Variants in LRP2 observed in about 807,000 individuals in gnomAD.
The protein encoded by LRP2 is low-density lipoprotein receptor-related protein 2.
In LRP2, 172 loss-of-function variants were observed where a neutral mutation model predicts 531.0. That is an observed-to-expected ratio of 0.32 (90% CI 0.29 to 0.37). The LOEUF is 0.37. LRP2 is among the 10% of genes least tolerant of loss of function. The pLI, the probability that LRP2 is intolerant of heterozygous loss-of-function variation, is 1.00. For synonymous variants in LRP2, 1,992 were observed against 2,027.6 expected (o/e 0.98, Z 0.47); for missense variants, 5,167 against 5,868.3 (o/e 0.88, Z 3.90).
rs1342644838 is a variant in LRP2 at position 169,294,253 on chromosome 2, A to G, written c.547T>C (p.Cys183Arg). 6.3e-7 allele frequency: 1 copy of G among 1,589,890 alleles called. No homozygotes were observed. Residue 183 changes from cysteine to arginine, a missense_variant, in exon 6 of 79, where the codon TGC (cysteine) becomes CGC (arginine). By Grantham distance (180) the Cys-to-Arg change is radical. This residue lies in a region of LRP2 where 2,811 missense variants were observed against 3,058.0 expected (regional missense o/e 0.92). Transcript: ENST00000649046. Reference protein sequence around the residue: ...SSDEINCTEICLHNEFSCGNG... With the variant: ...SSDEINCTEIRLHNEFSCGNG... The stretch of plus-strand genomic sequence containing the variant: ...CCACATGAAAACTCATTGTGCAAGC[A>G]TATCTCAGCTGCAACAGAAAGTTAA...
chr2:169,285,481 C>G (rs770539654), intron 9 of LRP2, among the ~76,000 whole-genome samples: 3 of 152,126 alleles, frequency 2.0e-5, no homozygotes, highest in Non-Finnish European at 4.4e-5. Context: ...GGAAACCACA[C>G]AAAACACTAA....
intron 4 of LRP2, among the ~76,000 whole-genome samples, chr2:169,301,746 G>A (rs1245941581): frequency 6.6e-6 from 1 of 152,002 alleles, no homozygotes; most frequent in Admixed American, 6.6e-5. Flanking sequence ...CTCCCTGAGA[G>A]GACTCTTACA....
chr2:169,288,963 G>A, intron 9 of LRP2, 63 bp downstream of exon 9: 2 of 1,609,688 alleles, frequency 1.2e-6, no homozygotes, highest in Non-Finnish European at 1.7e-6. Flanking sequence ...AGATGTCAGA[G>A]ATCAGGGCAC....
chr2:169,217,034 C>G (rs1266978082), intron 34 of LRP2, among the ~76,000 whole-genome samples: 2 of 152,016 alleles, frequency 1.3e-5, no homozygotes, highest in Non-Finnish European at 2.9e-5. Flanking sequence ...TTTTTTCTTT[C>G]TATTTCACAG....
intron 62 of LRP2, 44 bp downstream of exon 62, chr2:169,165,888 T>C (rs1686762832): frequency 6.2e-7 from 1 of 1,612,688 alleles, no homozygotes; most frequent in Non-Finnish European, 8.5e-7. Context: ...TGCAGACCAC[T>C]TGGGGTCCTT....
In LRP2 at chr2:169,216,712, G is replaced by T. The variant is rs62172632; in HGVS notation, c.5649-282C>A. ...GGCAGCTGAACTTTTAGCATGGTCA[G>T]GTGTGTGGGAAGCTTATGACAAGGA... On this transcript the variant is annotated intron_variant, in intron 34 of 78. Transcript: ENST00000649046. Among the ~76,000 whole-genome samples, 50,062 of 151,970 alleles carry T rather than the reference G, an allele frequency of 0.33. 8,877 individuals carry two copies. The highest frequency in any genetic ancestry group is 0.61 in the South Asian group (2,922 of 4,806).
intron 28 of LRP2, among the ~76,000 whole-genome samples, chr2:169,236,376 G>C (rs896189955): frequency 5.3e-5 from 8 of 152,052 alleles, no homozygotes; most frequent in African/African-American, 1.9e-4. Context: ...TCCACAAATA[G>C]TTGATCTAGA....
chr2:169,154,332 G>A, intron 66 of LRP2, 128 bp downstream of exon 66: 1 of 824,476 alleles, frequency 1.2e-6, no homozygotes. Flanking sequence ...ATGCTGGATT[G>A]GAAGAGTTTC....
chr2:169,241,501 C>A (rs2105384139), intron 24 of LRP2, 136 bp from the exon 25 acceptor site: 1 of 935,448 alleles, frequency 1.1e-6, no homozygotes. Flanking sequence ...ATATTTAAGG[C>A]TAAATGATAT....
intron 1 of LRP2, among the ~76,000 whole-genome samples, chr2:169,335,082 G>C (rs760718106): frequency 2.0e-5 from 3 of 152,222 alleles, no homozygotes; most frequent in Non-Finnish European, 2.9e-5. Flanking sequence ...AAGGGCAAGA[G>C]TGAAAATCAA....
intron 44 of LRP2, among the ~76,000 whole-genome samples, chr2:169,200,354 C>T (rs185934776): frequency 6.6e-6 from 1 of 152,272 alleles, no homozygotes; most frequent in Admixed American, 6.5e-5. Flanking sequence ...AGCAACTCAA[C>T]CCTGTGATAA....
intron 63 of LRP2, among the ~76,000 whole-genome samples, chr2:169,158,714 C>T (rs1574081236): frequency 6.7e-6 from 1 of 148,230 alleles, no homozygotes; most frequent in Non-Finnish European, 1.5e-5. Context: ...TTTCAAAATA[C>T]TAAGAAATAT....
chr2:169,233,337 G>C, intron 30 of LRP2, 74 bp downstream of exon 30: 7 of 1,511,210 alleles, frequency 4.6e-6, no homozygotes, highest in Non-Finnish European at 6.4e-6. Flanking sequence ...GTCTGTAACA[G>C]TGTGCATTTA....
chr2:169,171,075 T>C (rs1466795139), intron 58 of LRP2, among the ~76,000 whole-genome samples: 1 of 152,074 alleles, frequency 6.6e-6, no homozygotes, highest in Non-Finnish European at 1.5e-5. Flanking sequence ...TTTATCTTAA[T>C]TTTTTCTATT....
intron 62 of LRP2, among the ~76,000 whole-genome samples, chr2:169,164,135 G>C (rs1686692134): frequency 6.6e-6 from 1 of 152,220 alleles, no homozygotes; most frequent in Admixed American, 6.5e-5. Flanking sequence ...CTTCAGAATT[G>C]CTATACATTG....
intron 65 of LRP2, 99 bp from the exon 66 acceptor site, chr2:169,154,702 G>T: frequency 1.8e-6 from 2 of 1,085,448 alleles, no homozygotes; most frequent in South Asian, 1.3e-5. Flanking sequence ...CCTTTTTAAA[G>T]AACATGAGTT....
intron 71 of LRP2, among the ~76,000 whole-genome samples, chr2:169,140,781 G>C (rs763724731): frequency 1.3e-5 from 2 of 152,214 alleles, no homozygotes; most frequent in African/African-American, 4.8e-5. Flanking sequence ...AAACAATGGA[G>C]AGGTACTAGA....
At chr2:169,341,314 G>GT (rs1181935363) in intron 1 of LRP2, among the ~76,000 whole-genome samples, 2 of 151,910 alleles carry the variant, frequency 1.3e-5, no homozygotes, top group South Asian at 2.1e-4. Flanking sequence ...TTTATGTGAA[G>GT]TAAAAAAAAA....
At chr2:169,334,878 C>T (rs1206764036) in intron 1 of LRP2, among the ~76,000 whole-genome samples, 2 of 152,216 alleles carry the variant, frequency 1.3e-5, no homozygotes, top group African/African-American at 2.4e-5. Flanking sequence ...GCCTGAAGCA[C>T]AGCCGTCCCT....
Sources: gnomAD v4.1 joint callset for allele counts (sites outside exome capture counted in the v4.1 genomes callset) on GRCh38, gnomAD v4.1.1 for gene constraint, gnomAD v4.1.1 regional missense constraint, MANE v1.5 for transcripts, NCBI Gene and HGNC (gene_info 2026-07-23, HGNC 2026-07-21) for gene names.